The following PID1 variants were observed in gnomAD, a reference collection of about 807,000 sequenced individuals.
PID1 encodes PTB-containing, cubilin and LRP1-interacting protein.
A neutral mutation model predicts 19.1 loss-of-function variants in PID1; 10 were observed. The observed-to-expected ratio is 0.52, with a 90% CI of 0.32 to 0.89. The LOEUF (loss-of-function observed/expected upper bound fraction) is 0.89. Ranked by LOEUF, PID1 falls within the 40% of genes least tolerant of loss-of-function variation. The pLI, the probability that PID1 is intolerant of heterozygous loss-of-function variation, is 0.03. For missense variants in PID1, 248 were observed against 285.3 expected (o/e 0.87, Z 0.94); for synonymous variants, 130 against 116.0 (o/e 1.12, Z -0.78).
chr2:229,211,906 A>C (rs1691746155), intron 1 of PID1, among the ~76,000 whole-genome samples: 1 of 152,236 alleles, frequency 6.6e-6, no homozygotes, highest in African/African-American at 2.4e-5. Flanking sequence ...ACTAGACTGA[A>C]TTTCTTACTC....
At chr2:229,106,518 A>G (rs936134906) in intron 2 of PID1, among the ~76,000 whole-genome samples, 2 of 152,206 alleles carry the variant, frequency 1.3e-5, no homozygotes, top group African/African-American at 4.8e-5. Flanking sequence ...GGTCTTTAGG[A>G]GACAATTAGG....
intron 1 of PID1, chr2:229,262,558 G>A (rs1690487078): frequency 7.1e-7 from 1 of 1,403,358 alleles, no homozygotes; most frequent in African/African-American, 1.4e-5. Context: ...CTACATCACA[G>A]AAGTAGAGTG....
intron 1 of PID1, among the ~76,000 whole-genome samples, chr2:229,257,720 A>C (rs1190844125): frequency 6.6e-6 from 1 of 152,158 alleles, no homozygotes; most frequent in Non-Finnish European, 1.5e-5. Context: ...TTCCTCCTTG[A>C]GGGGCAAAAT....
intron 2 of PID1, among the ~76,000 whole-genome samples, chr2:229,109,545 G>A (rs1303789546): frequency 6.6e-6 from 1 of 152,154 alleles, no homozygotes; most frequent in Non-Finnish European, 1.5e-5. Context: ...GAAGGCATCA[G>A]GCCAGAGGAG....
intron 1 of PID1, chr2:229,231,885 G>A (rs769792229): frequency 1.3e-6 from 2 of 1,549,352 alleles, no homozygotes; most frequent in Non-Finnish European, 8.7e-7. Flanking sequence ...ATACCACAGA[G>A]TAGATAATTT....
At chr2:229,158,988 T>C (rs1187601496) in intron 1 of PID1, among the ~76,000 whole-genome samples, 2 of 151,954 alleles carry the variant, frequency 1.3e-5, no homozygotes, top group East Asian at 1.9e-4. Context: ...CAAAAAAACA[T>C]AGTTAGAAAG....
At chr2:229,234,501 G>C (rs1436150251) in intron 1 of PID1, among the ~76,000 whole-genome samples, 1 of 152,172 alleles carries the variant, frequency 6.6e-6, no homozygotes, top group Non-Finnish European at 1.5e-5. Flanking sequence ...ATCTTCCCTA[G>C]GCCTCCAGAA....
chr2:229,134,033 T>C (rs1689803664), intron 2 of PID1, among the ~76,000 whole-genome samples: 1 of 151,946 alleles, frequency 6.6e-6, no homozygotes, highest in Non-Finnish European at 1.5e-5. Flanking sequence ...TAGAAGCTAG[T>C]ATCACTTCCC....
At chr2:229,151,114 T>G (rs985478020) in intron 2 of PID1, among the ~76,000 whole-genome samples, 1 of 152,108 alleles carries the variant, frequency 6.6e-6, no homozygotes, top group Non-Finnish European at 1.5e-5. Context: ...CCCTTACATT[T>G]TTTTTTTAAT....
chr2:229,202,083 T>C (rs1366831132), intron 1 of PID1, among the ~76,000 whole-genome samples: 1 of 152,130 alleles, frequency 6.6e-6, no homozygotes, highest in East Asian at 1.9e-4. Flanking sequence ...TTTTAAAGTA[T>C]TTCTTCACTC....
chr2:229,220,122 T>C (rs1691935672), intron 1 of PID1, among the ~76,000 whole-genome samples: 1 of 151,710 alleles, frequency 6.6e-6, no homozygotes, highest in South Asian at 2.1e-4. Flanking sequence ...CCAGCTAGAG[T>C]GATCCTCCCA....
intron 2 of PID1, among the ~76,000 whole-genome samples, chr2:229,110,138 C>G (rs1476867619): frequency 6.6e-6 from 1 of 152,204 alleles, no homozygotes; most frequent in Non-Finnish European, 1.5e-5. Flanking sequence ...GAAAGCCTGA[C>G]AAGCGTGTTA....
Position 229,213,060 on chromosome 2 carries a change from G to A in PID1, c.31-57096C>T, listed in dbSNP as rs542802050. On this transcript the variant is annotated intron_variant, in intron 1 of 2. Coordinates refer to ENST00000392055, the MANE Select transcript of PID1 (RefSeq NM_001100818.2). ...ATGAAATAAAACAAAGTTAACCAAG[G>A]AGACCAGAGGTAGCGAGAAAAATGG... is the stretch of plus-strand genomic sequence containing the variant. Among the ~76,000 whole-genome samples the A allele has an allele frequency of 2.0e-5, 3 of 152,216 alleles. No homozygotes were observed. In the South Asian group the frequency reaches 6.2e-4, roughly 32 times the overall value.
chr2:229,127,694 C>T (rs564213385), intron 2 of PID1, among the ~76,000 whole-genome samples: 12 of 152,292 alleles, frequency 7.9e-5, no homozygotes, highest in African/African-American at 2.9e-4. Flanking sequence ...TTAATACTTC[C>T]CCAGTTGTGA....
At chr2:229,172,189 C>G (rs559608265) in intron 1 of PID1, among the ~76,000 whole-genome samples, 2 of 152,184 alleles carry the variant, frequency 1.3e-5, no homozygotes, top group Admixed American at 1.3e-4. Flanking sequence ...AAGGTCCAAA[C>G]ATCTGAAGAA....
intron 2 of PID1, among the ~76,000 whole-genome samples, chr2:229,145,158 T>TATATAC (rs1559255261): frequency 1.9e-4 from 6 of 32,110 alleles, no homozygotes; most frequent in African/African-American, 4.8e-4. Flanking sequence ...TGTATGTGTA[T>TATATAC]ATATATATAT....
intron 2 of PID1, among the ~76,000 whole-genome samples, chr2:229,095,050 A>G (rs984605805): frequency 6.6e-6 from 1 of 152,168 alleles, no homozygotes; most frequent in Non-Finnish European, 1.5e-5. Context: ...ATTAACTAAC[A>G]TGCCAAAGAC....
rs1300524226 is a variant in PID1 at position 229,025,550 on chromosome 2, C to T, written c.*82G>A. 5 of 1,073,626 alleles carry T rather than the reference C, an allele frequency of 4.7e-6. No individual in the cohort carries two copies. In the East Asian group the frequency reaches 1.2e-4, roughly 26 times the overall value. 66.5% of individuals were successfully genotyped at this position (1,073,626 alleles called of 1,614,324 possible). ...CCAATAGTTTGGCAGTCTTTTCATC[C>T]CAAATTTGAAACGTTGCTTACTCAT... On this transcript the variant is annotated 3_prime_UTR_variant, in exon 3 of 3. Coordinates refer to ENST00000392055, the MANE Select transcript of PID1 (RefSeq NM_001100818.2).
intron 2 of PID1, among the ~76,000 whole-genome samples, chr2:229,124,661 A>T (rs1440293684): frequency 6.6e-6 from 1 of 152,110 alleles, no homozygotes; most frequent in Non-Finnish European, 1.5e-5. Context: ...CTGATATTTG[A>T]CCTGCTGTTC....
Sources: allele counts gnomAD v4.1 joint callset (sites outside exome capture counted in the v4.1 genomes callset), GRCh38; gene constraint gnomAD v4.1.1; transcripts MANE v1.5; gene names NCBI Gene and HGNC (gene_info 2026-07-23, HGNC 2026-07-21).